ENPEP: variants seen among roughly 807,000 people sequenced by gnomAD.
ENPEP encodes the protein AP-A.
In ENPEP, 103 loss-of-function variants were observed where a neutral mutation model predicts 114.5. The observed-to-expected ratio is 0.90, with a 90% CI of 0.77 to 1.06. The LOEUF is 1.06. Among genes scored for constraint, ENPEP ranks in the 50% least tolerant of loss-of-function variants. The probability of loss-of-function intolerance (pLI) is 0.00; values close to 1 mark genes in which losing one functional copy is unlikely to be tolerated. For synonymous variants in ENPEP, 420 were observed against 422.0 expected, an observed-to-expected ratio of 1.00 and a Z score of 0.06; for missense variants, 1,196 against 1,161.3, an observed-to-expected ratio of 1.03 and a Z score of -0.43.
intron 3 of ENPEP, among the ~76,000 whole-genome samples, chr4:110,495,237 TC>T (rs1724882449): frequency 6.6e-6 from 1 of 152,200 alleles, no homozygotes; most frequent in South Asian, 2.1e-4. Flanking sequence ...TAGGTTTAAT[TC>T]ATGTACATTA....
chr4:110,479,898 A>C (rs1345579669), intron 1 of ENPEP, among the ~76,000 whole-genome samples: 1 of 152,216 alleles, frequency 6.6e-6, no homozygotes, highest in African/African-American at 2.4e-5. Flanking sequence ...TGTAGTCTCC[A>C]TTAATAAGTT....
At position 110,561,466 on chromosome 4, in the gene ENPEP, G is replaced by A; in HGVS notation, c.2782G>A (p.Val928Met). Residue 928 changes from valine (V) to methionine (M), a missense_variant, in exon 20 of 20, where the codon GTG (valine) becomes ATG (methionine). Val to Met is a conservative substitution (Grantham distance 21). Coordinates refer to ENST00000265162, the MANE Select transcript of ENPEP (RefSeq NM_001977.4). ...AGCAGGAGAAAAACCTAGGGAACAA[G>A]TGCTGGAAACAGTGAAAAACAATAT... is the stretch of plus-strand genomic sequence containing the variant. ...AGAGEKPREQ[V>M]LETVKNNIEW... 2 of 1,614,030 alleles carry A rather than the reference G, an allele frequency of 1.2e-6. No homozygotes were observed. The highest frequency in any genetic ancestry group is 1.1e-5 in the South Asian group (1 of 91,068).
At chr4:110,521,010 A>C (rs1215829624) in intron 10 of ENPEP, among the ~76,000 whole-genome samples, 1 of 152,144 alleles carries the variant, frequency 6.6e-6, no homozygotes, top group African/African-American at 2.4e-5. Context: ...AGAGCTAAGG[A>C]TTTCCATTTG....
chr4:110,561,299 T>C, intron 19 of ENPEP, 107 bp from the exon 20 acceptor site: 1 of 1,148,794 alleles, frequency 8.7e-7, no homozygotes, highest in East Asian at 2.5e-5. Context: ...TGTGCAGTGA[T>C]ACTGAATTTC....
At chr4:110,540,278 G>A (rs1726801712) in intron 11 of ENPEP, among the ~76,000 whole-genome samples, 2 of 152,060 alleles carry the variant, frequency 1.3e-5, no homozygotes, top group African/African-American at 2.4e-5. Flanking sequence ...GTTTGTGCAT[G>A]TGTGCATATA....
chr4:110,490,313 G>A (rs982520090), intron 2 of ENPEP, among the ~76,000 whole-genome samples: 4 of 152,170 alleles, frequency 2.6e-5, no homozygotes, highest in African/African-American at 9.7e-5. Flanking sequence ...AGTGTCAGCC[G>A]CACCCATTCT....
intron 10 of ENPEP, among the ~76,000 whole-genome samples, chr4:110,520,741 T>C (rs892095395): frequency 4.6e-5 from 7 of 152,158 alleles, no homozygotes; most frequent in African/African-American, 1.7e-4. Flanking sequence ...GGAACTTCCC[T>C]ATCCCTAGAC....
chr4:110,542,083 G>A (rs1215580949), intron 11 of ENPEP, among the ~76,000 whole-genome samples: 1 of 152,092 alleles, frequency 6.6e-6, no homozygotes, highest in Non-Finnish European at 1.5e-5. Flanking sequence ...GTAACCAACT[G>A]AAATAGGAAG....
Position 110,549,924 on chromosome 4 carries a change from T to G in ENPEP, c.2501+38T>G, listed in dbSNP as rs764789557. ...TTTATTTCACATATATAAATAGTAT[T>G]TAATAGTTTATGTGTCACAGTCTCT... On this transcript the variant is annotated intron_variant, in intron 17 of 19. Transcript: ENST00000265162. 4 of 1,527,428 alleles carry G rather than the reference T, an allele frequency of 2.6e-6. No individual in the cohort carries two copies. In the East Asian group the frequency reaches 9.2e-5, roughly 35 times the overall value. 94.6% of individuals were successfully genotyped at this position (1,527,428 alleles called of 1,614,324 possible).
intron 8 of ENPEP, among the ~76,000 whole-genome samples, chr4:110,518,621 T>TA (rs1299349003): frequency 2.6e-5 from 4 of 152,206 alleles, no homozygotes; most frequent in Non-Finnish European, 4.4e-5. Context: ...ACTGCAATTT[T>TA]AAAAGCAGTA....
intron 1 of ENPEP, among the ~76,000 whole-genome samples, chr4:110,487,186 G>T (rs2110335345): frequency 6.6e-6 from 1 of 152,324 alleles, no homozygotes; most frequent in Non-Finnish European, 1.5e-5. Flanking sequence ...GCAGCCAGAG[G>T]CTGCATGACC....
At chr4:110,536,204 G>A (rs939855053) in intron 11 of ENPEP, among the ~76,000 whole-genome samples, 1 of 150,688 alleles carries the variant, frequency 6.6e-6, no homozygotes, top group Non-Finnish European at 1.5e-5. Flanking sequence ...GTGATATATT[G>A]CATTAGCCAG....
At chr4:110,531,743 A>G (rs688125) in intron 11 of ENPEP, among the ~76,000 whole-genome samples, 147,552 of 152,164 alleles carry the variant, frequency 0.97, 71,695 homozygotes, top group East Asian at 1. Context: ...AAAATGTTAG[A>G]GTTGTATAAA....
Position 110,477,003 on chromosome 4 carries a change from A to T in ENPEP, c.589A>T (p.Asn197Tyr), listed in dbSNP as rs1724139050. 1 of 1,614,090 alleles carries T rather than the reference A, an allele frequency of 6.2e-7. No homozygotes were observed. The highest frequency in any genetic ancestry group is 1.7e-5 in the Admixed American group (1 of 60,002). The change falls in exon 1 of 20, where the codon AAC (asparagine) becomes TAC (tyrosine). Residue 197 changes from asparagine (N) to tyrosine (Y), a missense_variant. Physicochemically the swap from Asn to Tyr is moderately radical, Grantham distance 143. Transcript: ENST00000265162. ...GACCATGGAGTTCGCCGGCTGGCTG[A>T]ACGGCTCCCTCGTGGGATTTTATAG... ...LLTMEFAGWL[N>Y]GSLVGFYRTT...
intron 11 of ENPEP, among the ~76,000 whole-genome samples, chr4:110,532,635 A>G (rs1159033192): frequency 6.6e-6 from 1 of 152,052 alleles, no homozygotes. Flanking sequence ...AAAAACGTTT[A>G]TTGTTAACAG....
At chr4:110,523,277 G>T (rs1413276281) in intron 10 of ENPEP, among the ~76,000 whole-genome samples, 1 of 152,080 alleles carries the variant, frequency 6.6e-6, no homozygotes, top group Non-Finnish European at 1.5e-5. Context: ...GTTTTATAAG[G>T]CCATTTTCCC....
rs1311565480 is a variant in ENPEP, at chr4:110,553,315, G to A, written c.2502G>A (p.Arg834=). ...ASVKNVTLLS[R]YLDLLKDTNL... The stretch of plus-strand genomic sequence containing the variant: ...TGTTTTTCTGTTTGGCTTCTCTTAG[G>A]TATTTGGATTTGCTCAAGGACACGA... The change falls in exon 18 of 20, where the codon AGG becomes AGA. Residue 834 remains arginine, a splice_region_variant and synonymous_variant. Coordinates refer to ENST00000265162, the MANE Select transcript of ENPEP (RefSeq NM_001977.4). 1.9e-6 allele frequency: 3 copies of A among 1,579,628 alleles called. No homozygotes were observed. Among genetic ancestry groups the A allele is most frequent in the African/African-American group, 2.7e-5 (2 of 74,240 alleles).
intron 11 of ENPEP, among the ~76,000 whole-genome samples, chr4:110,541,796 A>G (rs1483076404): frequency 6.6e-6 from 1 of 152,142 alleles, no homozygotes; most frequent in Non-Finnish European, 1.5e-5. Flanking sequence ...CTTCTCAACT[A>G]TACTATGTTC....
At chr4:110,534,645 T>A (rs1726544882) in intron 11 of ENPEP, among the ~76,000 whole-genome samples, 4 of 151,412 alleles carry the variant, frequency 2.6e-5, no homozygotes, top group Admixed American at 6.6e-5. Flanking sequence ...GTAGCTGGGA[T>A]TACAGGTGCC....
Sources: gnomAD v4.1 joint callset for allele counts (sites outside exome capture counted in the v4.1 genomes callset) on GRCh38, gnomAD v4.1.1 for gene constraint, MANE v1.5 for transcripts, NCBI Gene and HGNC (gene_info 2026-07-23, HGNC 2026-07-21) for gene names.